KMT5B: variants seen among roughly 807,000 people sequenced by gnomAD.
KMT5B encodes the protein lysine methyltransferase 5B, also known as histone-lysine N-methyltransferase KMT5B.
KMT5B carries 10 observed loss-of-function variants against 83.2 expected under a neutral mutation model. The ratio of observed to expected loss-of-function variants is 0.12; its 90% CI spans 0.07 to 0.20. The LOEUF is 0.20. KMT5B is among the 10% of genes least tolerant of loss of function. The pLI is 1.00. For synonymous variants in KMT5B, 349 were observed against 388.8 expected, an observed-to-expected ratio of 0.90 and a Z score of 1.20; for missense variants, 753 against 1,067.2, an observed-to-expected ratio of 0.71 and a Z score of 4.10.
At chr11:68,203,888 A>AG (rs35889806) in intron 1 of KMT5B, among the ~76,000 whole-genome samples, 18,682 of 152,204 alleles carry the variant, frequency 0.12, 1,313 homozygotes, top group East Asian at 0.23. Flanking sequence ...TCAGGTATCT[A>AG]GAACCATCAA....
chr11:68,166,603 G>T lies in KMT5B; in HGVS notation c.1174+379C>A, dbSNP rs942827405. On this transcript the variant is annotated intron_variant, in intron 10 of 10. Transcript: ENST00000304363. The stretch of plus-strand genomic sequence containing the variant: ...ATCATCTTTTCTAACAAACTGGCTA[G>T]GCACTGGAATGTATAGAGTCTAATT... 6.9e-6 allele frequency: 7 copies of T among 1,011,008 alleles called. No individual in the cohort carries two copies. In the African/African-American group the frequency reaches 1.0e-4, roughly 15 times the overall value. The allele number at this position is 1,011,008 out of a possible 1,614,324, so 62.6% of individuals were successfully genotyped here.
chr11:68,209,050 T>C (rs1315101041), intron 1 of KMT5B, among the ~76,000 whole-genome samples: 2 of 152,312 alleles, frequency 1.3e-5, no homozygotes, highest in East Asian at 3.9e-4. Context: ...CCCCTTTTAC[T>C]TCTCAGTGAG....
chr11:68,166,166 T>G, intron 10 of KMT5B: 1 of 1,368,308 alleles, frequency 7.3e-7, no homozygotes, highest in Non-Finnish European at 9.4e-7. Context: ...ACTGCTTTAG[T>G]GGCAACTACA....
intron 9 of KMT5B, among the ~76,000 whole-genome samples, chr11:68,169,408 C>G (rs886587712): frequency 1.3e-5 from 2 of 152,142 alleles, no homozygotes; most frequent in Non-Finnish European, 2.9e-5. Context: ...TTACTATGCA[C>G]CAGGGTACTG....
At chr11:68,201,244 A>G (rs1458451975) in intron 1 of KMT5B, among the ~76,000 whole-genome samples, 10 of 152,222 alleles carry the variant, frequency 6.6e-5, no homozygotes, top group South Asian at 4.1e-4. Context: ...GGGGGGAAGG[A>G]TAACTTTCAA....
At chr11:68,177,490 G>A (rs1239711838) in intron 4 of KMT5B, among the ~76,000 whole-genome samples, 2 of 152,078 alleles carry the variant, frequency 1.3e-5, no homozygotes, top group African/African-American at 4.8e-5. Context: ...GTCCTGAACA[G>A]GTATAATACT....
At chr11:68,177,329 A>G (rs1856478446) in intron 4 of KMT5B, among the ~76,000 whole-genome samples, 1 of 152,236 alleles carries the variant, frequency 6.6e-6, no homozygotes, top group South Asian at 2.1e-4. Context: ...AGAAAAGCAC[A>G]TTATAAGCAG....
intron 1 of KMT5B, among the ~76,000 whole-genome samples, chr11:68,211,590 T>C (rs577665891): frequency 7.3e-4 from 111 of 152,356 alleles, no homozygotes; most frequent in African/African-American, 2.6e-3. Flanking sequence ...ACCTACTCTG[T>C]ACCTGCCCGT....
At chr11:68,173,008 T>C (rs1855997406) in intron 6 of KMT5B, among the ~76,000 whole-genome samples, 1 of 152,134 alleles carries the variant, frequency 6.6e-6, no homozygotes, top group Non-Finnish European at 1.5e-5. Context: ...ATATTCTCTT[T>C]CATCTGTAAC....
chr11:68,166,462 A>G, intron 10 of KMT5B: 6 of 1,000,628 alleles, frequency 6.0e-6, no homozygotes, highest in Non-Finnish European at 7.2e-6. Flanking sequence ...CCTCTATCAC[A>G]ATTCTGAGTC....
At chr11:68,168,984 C>T (rs1855584621) in intron 9 of KMT5B, among the ~76,000 whole-genome samples, 2 of 152,192 alleles carry the variant, frequency 1.3e-5, no homozygotes, top group South Asian at 4.1e-4. Context: ...ATCTTCCCAG[C>T]TAATTTCTGT....
At chr11:68,200,031 T>G (rs1859233690) in intron 1 of KMT5B, among the ~76,000 whole-genome samples, 3 of 152,172 alleles carry the variant, frequency 2.0e-5, no homozygotes. Flanking sequence ...TTTTAGTCAC[T>G]TTTGAGATGC....
intron 10 of KMT5B, among the ~76,000 whole-genome samples, chr11:68,160,771 AC>A (rs1854788517): frequency 6.6e-6 from 1 of 152,078 alleles, no homozygotes; most frequent in African/African-American, 2.4e-5. Flanking sequence ...ATATGGTGAA[AC>A]CCTGTCTCTA....
At chr11:68,164,616 C>T (rs1056699385) in intron 10 of KMT5B, 1 of 505,906 alleles carries the variant, frequency 2.0e-6, no homozygotes, top group Non-Finnish European at 3.9e-6. Flanking sequence ...CTGAGCCATG[C>T]CTATCCACTC....
At chr11:68,180,993 TATTAAG>T (rs893713349) in intron 3 of KMT5B, among the ~76,000 whole-genome samples, 30 of 152,178 alleles carry the variant, frequency 2.0e-4, no homozygotes, top group African/African-American at 6.0e-4. Flanking sequence ...TGTAAGGATA[TATTAAG>T]ATTAAAACCT....
At chr11:68,166,886 G>A (rs764649982) in intron 10 of KMT5B, 96 bp downstream of exon 10, 3 of 1,524,268 alleles carry the variant, frequency 2.0e-6, no homozygotes, top group Non-Finnish European at 2.6e-6. Context: ...GTCTCTCTGA[G>A]TATTTAAAAG....
chr11:68,202,667 G>A (rs1184154862), intron 1 of KMT5B, among the ~76,000 whole-genome samples: 1 of 149,686 alleles, frequency 6.7e-6, no homozygotes, highest in African/African-American at 2.5e-5. Context: ...TCCTGCCTCA[G>A]CCTCCTGAGT....
intron 2 of KMT5B, among the ~76,000 whole-genome samples, chr11:68,188,784 A>C (rs1857712592): frequency 1.3e-5 from 2 of 152,364 alleles, no homozygotes; most frequent in South Asian, 2.1e-4. Flanking sequence ...TTTGCTGACC[A>C]GAATGAATAC....
At chr11:68,160,452 A>G (rs1854758307) in intron 10 of KMT5B, among the ~76,000 whole-genome samples, 1 of 152,228 alleles carries the variant, frequency 6.6e-6, no homozygotes, top group South Asian at 2.1e-4. Context: ...AGAAGCCACG[A>G]TAACAAAACG....
Sources: allele counts gnomAD v4.1 joint callset (sites outside exome capture counted in the v4.1 genomes callset), GRCh38; gene constraint gnomAD v4.1.1; transcripts MANE v1.5; gene names NCBI Gene and HGNC (gene_info 2026-07-23, HGNC 2026-07-21).